Variants in OPCML observed in about 807,000 individuals in gnomAD.
OPCML encodes the protein opioid-binding protein/cell adhesion molecule.
OPCML carries 13 observed loss-of-function variants against 37.8 expected under a neutral mutation model. That is an observed-to-expected ratio of 0.34 (90% CI 0.22 to 0.55). OPCML has a LOEUF of 0.55. OPCML is among the 20% of genes least tolerant of loss of function. The pLI, the probability that OPCML is intolerant of heterozygous loss-of-function variation, is 0.91. For synonymous variants in OPCML, 176 were observed against 168.8 expected (o/e 1.04, Z -0.33); for missense variants, 341 against 435.6 (o/e 0.78, Z 1.93).
chr11:132,791,269 T>C (rs2136179252), intron 2 of OPCML, among the ~76,000 whole-genome samples: 1 of 152,340 alleles, frequency 6.6e-6, no homozygotes, highest in African/African-American at 2.4e-5. Context: ...ATACTTGTTT[T>C]CCCTGCACTA....
At chr11:133,229,855 C>A (rs74859668) in intron 1 of OPCML, among the ~76,000 whole-genome samples, 1 of 152,148 alleles carries the variant, frequency 6.6e-6, no homozygotes, top group Non-Finnish European at 1.5e-5. Flanking sequence ...CTTTACTGTG[C>A]GCAGTTAGTG....
Position 132,830,839 on chromosome 11 carries a change from A to C in OPCML, c.146+112087T>G, listed in dbSNP as rs1019935788. Among the ~76,000 whole-genome samples, 8 of 152,350 alleles carry C rather than the reference A, an allele frequency of 5.3e-5. No individual in the cohort carries two copies. The East Asian group carries it at 1.5e-3, about 29-fold the overall frequency. ...GTGAAAAGGGGAAATATGTTTTAAT[A>C]TAAAACTACAAGGGAATGCATCTCT... On this transcript the variant is annotated intron_variant, in intron 2 of 7. Transcript: ENST00000524381.
intron 1 of OPCML, among the ~76,000 whole-genome samples, chr11:133,095,933 A>G (rs1354065066): frequency 6.6e-6 from 1 of 152,038 alleles, no homozygotes; most frequent in Non-Finnish European, 1.5e-5. Context: ...ATGTGTTGCC[A>G]GTAAATCTGC....
At chr11:133,010,694 G>T (rs1408775622) in intron 1 of OPCML, among the ~76,000 whole-genome samples, 2 of 152,160 alleles carry the variant, frequency 1.3e-5, no homozygotes, top group Non-Finnish European at 2.9e-5. Context: ...AAAAAGTAGG[G>T]ATGATAAGAA....
intron 3 of OPCML, among the ~76,000 whole-genome samples, chr11:132,532,937 A>G (rs1224492934): frequency 2.0e-5 from 3 of 152,210 alleles, no homozygotes; most frequent in Non-Finnish European, 4.4e-5. Flanking sequence ...AGAAAGGAAC[A>G]CTTGGGGATA....
chr11:133,263,331 A>T (rs183271108), intron 1 of OPCML, among the ~76,000 whole-genome samples: 271 of 152,248 alleles, frequency 1.8e-3, no homozygotes, highest in African/African-American at 6.2e-3. Flanking sequence ...CCATAAGATT[A>T]TATACTGTAT....
intron 1 of OPCML, among the ~76,000 whole-genome samples, chr11:133,356,113 G>C (rs1944283541): frequency 6.6e-6 from 1 of 152,126 alleles, no homozygotes; most frequent in Non-Finnish European, 1.5e-5. Flanking sequence ...TTTCCAGTAA[G>C]CTGGAATCTC....
chr11:133,279,268 G>A (rs143512343), intron 1 of OPCML, among the ~76,000 whole-genome samples: 113 of 152,146 alleles, frequency 7.4e-4, no homozygotes, highest in African/African-American at 2.6e-3. Context: ...AATGATCCCC[G>A]GTGCTCTGAT....
chr11:132,964,576 C>T (rs370135224), intron 1 of OPCML, among the ~76,000 whole-genome samples: 8 of 152,100 alleles, frequency 5.3e-5, no homozygotes, highest in Middle Eastern at 3.2e-3. Flanking sequence ...TTAAGAAAGC[C>T]ATTTGTTCCT....
intron 2 of OPCML, among the ~76,000 whole-genome samples, chr11:132,800,575 G>T (rs1305546172): frequency 6.6e-6 from 1 of 152,104 alleles, no homozygotes; most frequent in Non-Finnish European, 1.5e-5. Context: ...ATCAAGTTGA[G>T]AAGGTCCCTT....
At chr11:133,301,498 C>A (rs1942775688) in intron 1 of OPCML, 1 of 152,008 alleles carries the variant, frequency 6.6e-6, no homozygotes, top group Non-Finnish European at 1.5e-5. Flanking sequence ...GGTCTCAATT[C>A]CAGGTTGTAT....
intron 1 of OPCML, among the ~76,000 whole-genome samples, chr11:132,994,449 C>T (rs1506880): frequency 2.0e-5 from 3 of 151,958 alleles, no homozygotes; most frequent in African/African-American, 7.3e-5. Context: ...GGGGGCTCGC[C>T]GTGCAGGCGC....
intron 2 of OPCML, among the ~76,000 whole-genome samples, chr11:132,692,947 A>AATTTCTTGAAT (rs1943461608): frequency 2.6e-5 from 4 of 152,344 alleles, no homozygotes; most frequent in Admixed American, 2.6e-4. Flanking sequence ...AATGGAAATC[A>AATTTCTTGAAT]TGCTTTGCAA....
At chr11:133,501,544 T>C (rs908596584) in intron 1 of OPCML, among the ~76,000 whole-genome samples, 1 of 152,132 alleles carries the variant, frequency 6.6e-6, no homozygotes, top group East Asian at 1.9e-4. Flanking sequence ...AAAGAAGACA[T>C]AGTCCCATGG....
At chr11:133,073,592 TA>T (rs1271105058) in intron 1 of OPCML, among the ~76,000 whole-genome samples, 18 of 152,322 alleles carry the variant, frequency 1.2e-4, no homozygotes, top group African/African-American at 2.2e-4. Flanking sequence ...GGGTAAGAGT[TA>T]CATCAGCTCC....
intron 2 of OPCML, among the ~76,000 whole-genome samples, chr11:132,832,248 G>GAAA (rs71067400): frequency 4.2e-5 from 6 of 143,028 alleles, no homozygotes; most frequent in Non-Finnish European, 4.6e-5. Flanking sequence ...TTATTTTAAT[G>GAAA]AAAAAAAAAA....
intron 1 of OPCML, among the ~76,000 whole-genome samples, chr11:133,483,568 G>A (rs577829468): frequency 6.6e-6 from 1 of 151,594 alleles, no homozygotes; most frequent in Non-Finnish European, 1.5e-5. Flanking sequence ...CTAGACAAAG[G>A]AATGGATGAT....
intron 2 of OPCML, among the ~76,000 whole-genome samples, chr11:132,704,853 C>G (rs990885554): frequency 6.6e-6 from 1 of 152,120 alleles, no homozygotes; most frequent in African/African-American, 2.4e-5. Context: ...GGCTTTAAGC[C>G]TTTATAATTG....
At chr11:133,458,850 C>CACAT in intron 1 of OPCML, among the ~76,000 whole-genome samples, 1 of 148,586 alleles carries the variant, frequency 6.7e-6, no homozygotes, top group African/African-American at 2.6e-5. Flanking sequence ...CATAGATGCA[C>CACAT]GTGTGTGTGT....
Sources: gnomAD v4.1 joint callset for allele counts (sites outside exome capture counted in the v4.1 genomes callset) on GRCh38, gnomAD v4.1.1 for gene constraint, MANE v1.5 for transcripts, NCBI Gene and HGNC (gene_info 2026-07-23, HGNC 2026-07-21) for gene names.